Variants in SUGCT observed in about 807,000 individuals in gnomAD.
SUGCT encodes succinyl-CoA:glutarate-CoA transferase.
Under a neutral mutation model 55.0 loss-of-function variants are expected in SUGCT, and 41 were observed. That is an observed-to-expected ratio of 0.74 (90% CI 0.58 to 0.97). The LOEUF is 0.97. SUGCT is among the 50% of genes least tolerant of loss of function. The probability of loss-of-function intolerance (pLI) is 0.00; values close to 1 mark genes in which losing one functional copy is unlikely to be tolerated. For missense variants in SUGCT, 568 were observed against 547.8 expected, an observed-to-expected ratio of 1.04 and a Z score of -0.37; for synonymous variants, 187 against 200.4, an observed-to-expected ratio of 0.93 and a Z score of 0.56.
At chr7:40,863,782 G>T (rs1794534289), downstream of SUGCT, among the ~76,000 whole-genome samples, 1 of 151,912 alleles carries the variant, frequency 6.6e-6, no homozygotes, top group South Asian at 2.1e-4. Context: ...GGTACAACGG[G>T]CCTGAAAAAA....
intron 7 of SUGCT, among the ~76,000 whole-genome samples, chr7:40,260,156 C>T (rs1791126294): frequency 6.6e-6 from 1 of 152,172 alleles, no homozygotes; most frequent in Non-Finnish European, 1.5e-5. Context: ...GACTTCTATC[C>T]ATCCTTTATG....
At chr7:40,256,813 G>A (rs1026284086) in intron 7 of SUGCT, among the ~76,000 whole-genome samples, 2 of 151,954 alleles carry the variant, frequency 1.3e-5, no homozygotes, top group Non-Finnish European at 2.9e-5. Context: ...GTGCCATCTC[G>A]GCTCATTGCA....
chr7:40,693,248 T>A (rs1361398729), intron 12 of SUGCT, among the ~76,000 whole-genome samples: 2 of 152,198 alleles, frequency 1.3e-5, no homozygotes, highest in African/African-American at 4.8e-5. Context: ...ACTTATGAGC[T>A]GTGTGAACTT....
At chr7:40,697,920 C>T (rs1185415711) in intron 12 of SUGCT, among the ~76,000 whole-genome samples, 1 of 152,196 alleles carries the variant, frequency 6.6e-6, no homozygotes, top group Non-Finnish European at 1.5e-5. Flanking sequence ...GAATACCCAG[C>T]AGAGAAGTTA....
At chr7:40,653,009 T>A (rs1209908173) in intron 12 of SUGCT, among the ~76,000 whole-genome samples, 1 of 152,218 alleles carries the variant, frequency 6.6e-6, no homozygotes, top group Non-Finnish European at 1.5e-5. Flanking sequence ...CCTCCCAGTT[T>A]GTCTTGAAAA....
chr7:40,733,270 C>G (rs1392616186), intron 12 of SUGCT, among the ~76,000 whole-genome samples: 1 of 152,184 alleles, frequency 6.6e-6, no homozygotes, highest in African/African-American at 2.4e-5. Flanking sequence ...CCCTTTCTCC[C>G]TGATAACATC....
intron 9 of SUGCT, among the ~76,000 whole-genome samples, chr7:40,417,235 T>A (rs904833703): frequency 3.9e-5 from 6 of 151,994 alleles, no homozygotes; most frequent in African/African-American, 7.2e-5. Flanking sequence ...TGTTTATTTC[T>A]ACATTCTGTT....
At chr7:41,023,509 A>C in the SUGCT span, among the ~76,000 whole-genome samples, 2 of 152,204 alleles carry the variant, frequency 1.3e-5, no homozygotes, top group African/African-American at 4.8e-5. Flanking sequence ...TAAGAATACA[A>C]GGAACAATTT....
At position 40,188,362 on chromosome 7, in the gene SUGCT, A is replaced by T. The variant is rs1053546049; in HGVS notation, c.227-133A>T. 8 of 602,908 alleles carry T rather than the reference A, an allele frequency of 1.3e-5. No homozygotes were observed. The Admixed American group carries it at 3.0e-4, about 23-fold the overall frequency. 37.3% of individuals were successfully genotyped at this position (602,908 alleles called of 1,614,324 possible). The stretch of plus-strand genomic sequence containing the variant: ...GGCAGGAGAATTACCCGAACCCAGG[A>T]GGTAGAGGTTGCAGTGAGCAGAGAT... On this transcript the variant is annotated intron_variant, in intron 3 of 13. Transcript: ENST00000335693.
At chr7:40,185,812 C>T (rs1393547138) in intron 3 of SUGCT, among the ~76,000 whole-genome samples, 2 of 152,126 alleles carry the variant, frequency 1.3e-5, no homozygotes, top group East Asian at 1.9e-4. Flanking sequence ...GGCGAGCCAC[C>T]ACATCTGGCC....
intron 1 of SUGCT, among the ~76,000 whole-genome samples, chr7:40,137,513 A>G (rs967337259): frequency 1.3e-5 from 2 of 152,164 alleles, no homozygotes; most frequent in Non-Finnish European, 2.9e-5. Context: ...CAACCCATTT[A>G]TCTGTATAAC....
At chr7:40,240,347 G>A (rs1045335264) in intron 7 of SUGCT, among the ~76,000 whole-genome samples, 2 of 152,138 alleles carry the variant, frequency 1.3e-5, no homozygotes, top group African/African-American at 4.8e-5. Context: ...GCCAGATGTG[G>A]TGTTGCATTC....
intron 13 of SUGCT, among the ~76,000 whole-genome samples, chr7:40,778,731 G>A (rs1042034440): frequency 1.3e-5 from 2 of 152,162 alleles, no homozygotes; most frequent in African/African-American, 2.4e-5. Context: ...TACCCTGACC[G>A]TCCCACTTAA....
At chr7:41,018,291 A>C in the SUGCT span, among the ~76,000 whole-genome samples, 2 of 152,134 alleles carry the variant, frequency 1.3e-5, no homozygotes, top group Non-Finnish European at 2.9e-5. Context: ...GGGCTACCAG[A>C]GAAGGTGAGC....
intron 1 of SUGCT, among the ~76,000 whole-genome samples, chr7:40,176,844 G>T (rs1249391217): frequency 6.6e-6 from 1 of 150,924 alleles, no homozygotes; most frequent in Non-Finnish European, 1.5e-5. Context: ...CTGGTGGCAG[G>T]TGCCTGTAAT....
chr7:40,850,131 C>T (rs930263397), intron 13 of SUGCT, among the ~76,000 whole-genome samples: 4 of 152,218 alleles, frequency 2.6e-5, no homozygotes, highest in African/African-American at 9.6e-5. Context: ...TACTTCTGGA[C>T]CCCTGAGTTC....
At chr7:40,545,976 A>G (rs185788902) in intron 12 of SUGCT, among the ~76,000 whole-genome samples, 15 of 152,332 alleles carry the variant, frequency 9.8e-5, no homozygotes, top group Admixed American at 7.2e-4. Context: ...ATGTGTATCT[A>G]TAAAATCAGA....
At chr7:40,510,304 G>C (rs1008394076) in intron 12 of SUGCT, among the ~76,000 whole-genome samples, 1 of 151,920 alleles carries the variant, frequency 6.6e-6, no homozygotes, top group African/African-American at 2.4e-5. Context: ...TGATATAGAG[G>C]AATGAATGGT....
At chr7:40,661,720 G>T (rs1801308469) in intron 12 of SUGCT, among the ~76,000 whole-genome samples, 1 of 152,082 alleles carries the variant, frequency 6.6e-6, no homozygotes, top group South Asian at 2.1e-4. Context: ...CAGCCTCTCA[G>T]CAGCCACCCT....
Sources: gnomAD v4.1 joint callset for allele counts (sites outside exome capture counted in the v4.1 genomes callset) on GRCh38, gnomAD v4.1.1 for gene constraint, MANE v1.5 for transcripts, NCBI Gene and HGNC (gene_info 2026-07-23, HGNC 2026-07-21) for gene names.